Variants in C12orf56 observed in about 807,000 individuals in gnomAD.
C12orf56 encodes the protein chromosome 12 open reading frame 56.
Under a neutral mutation model 69.9 loss-of-function variants are expected in C12orf56, and 71 were observed. That is an observed-to-expected ratio of 1.02 (90% CI 0.84 to 1.24). The LOEUF (loss-of-function observed/expected upper bound fraction) is 1.24. C12orf56 is among the 50% of genes most tolerant of loss of function. The pLI is 0.00. For synonymous variants in C12orf56, 276 were observed against 274.1 expected (o/e 1.01, Z -0.07); for missense variants, 732 against 738.5 (o/e 0.99, Z 0.10).
chr12:64,348,802 T>C (rs2039182597), intron 2 of C12orf56, among the ~76,000 whole-genome samples: 1 of 152,228 alleles, frequency 6.6e-6, no homozygotes, highest in Non-Finnish European at 1.5e-5. Flanking sequence ...CTTGATCCTC[T>C]TCAAAGGATG....
intron 4 of C12orf56, among the ~76,000 whole-genome samples, chr12:64,316,305 C>T (rs1256683191): frequency 6.6e-6 from 1 of 151,974 alleles, no homozygotes; most frequent in Admixed American, 6.6e-5. Flanking sequence ...TCTCTGTTGT[C>T]CAGGCTGGTC....
At chr12:64,357,054 C>A (rs2039327152) in intron 1 of C12orf56, among the ~76,000 whole-genome samples, 1 of 151,752 alleles carries the variant, frequency 6.6e-6, no homozygotes. Flanking sequence ...ATATTAAAAT[C>A]TCAGGATATA....
intron 6 of C12orf56, among the ~76,000 whole-genome samples, chr12:64,298,168 T>C (rs2038394433): frequency 6.6e-6 from 1 of 152,008 alleles, no homozygotes; most frequent in South Asian, 2.1e-4. Context: ...GTTTGTTGGC[T>C]GCATAAATGT....
rs2037907925 is a variant in C12orf56, at chr12:64,265,119, C to T, written c.*2064G>A. 1 of 152,222 alleles carries T rather than the reference C, an allele frequency of 6.6e-6. No individual in the cohort carries two copies. The highest frequency in any genetic ancestry group is 2.4e-5 in the African/African-American group (1 of 41,436). The allele number at this position is 152,222 out of a possible 1,614,324, so 9.4% of individuals were successfully genotyped here. A position where few individuals can be genotyped will look rare whatever the true frequency, so the allele number is the denominator to read the frequency against. On this transcript the variant is annotated 3_prime_UTR_variant, in exon 13 of 13. Coordinates refer to ENST00000543942, the MANE Select transcript of C12orf56 (RefSeq NM_001170633.2). The stretch of plus-strand genomic sequence containing the variant: ...GCTGAGTTGATCCTCTCGTTGTCAT[C>T]CTGCGGGTTCATCAGTACATTCTTT...
intron 6 of C12orf56, among the ~76,000 whole-genome samples, chr12:64,302,287 G>A (rs1400984590): frequency 6.6e-6 from 1 of 152,092 alleles, no homozygotes. Flanking sequence ...TCTCAATGTT[G>A]TGGGACATTT....
chr12:64,285,126 G>A lies in C12orf56; in HGVS notation c.1221-373C>T, dbSNP rs73327146. On this transcript the variant is annotated intron_variant, in intron 7 of 12. Transcript: ENST00000543942. ...GTGTGGAGCTCAGGAGGTCAAGACTGCAGTGAGCCATGATCACACCAATGC... is the reference window on the plus strand; with the variant it reads ...GTGTGGAGCTCAGGAGGTCAAGACTACAGTGAGCCATGATCACACCAATGC... 3.9e-4 allele frequency among the ~76,000 whole-genome samples: 59 copies of A among 150,630 alleles called. 1 individual carries two copies. The highest frequency in any genetic ancestry group is 1.4e-3 in the African/African-American group (56 of 40,928).
At chr12:64,359,697 A>G (rs1325963099) in intron 1 of C12orf56, among the ~76,000 whole-genome samples, 2 of 152,042 alleles carry the variant, frequency 1.3e-5, no homozygotes, top group Non-Finnish European at 2.9e-5. Context: ...GCCTGTAGAA[A>G]GAAAAGAAGC....
At chr12:64,365,162 C>CTTTTT (rs386376771) in intron 1 of C12orf56, among the ~76,000 whole-genome samples, 1 of 123,048 alleles carries the variant, frequency 8.1e-6, no homozygotes, top group Non-Finnish European at 1.6e-5. Flanking sequence ...AAAGCTGTTC[C>CTTTTT]TTTTTTTTTT....
At chr12:64,360,141 A>C (rs1294275276) in intron 1 of C12orf56, among the ~76,000 whole-genome samples, 1 of 151,138 alleles carries the variant, frequency 6.6e-6, no homozygotes, top group African/African-American at 2.4e-5. Flanking sequence ...AAATTCAAAA[A>C]CTGGCTGGGT....
At chr12:64,300,589 C>T (rs762764473) in intron 6 of C12orf56, among the ~76,000 whole-genome samples, 1 of 152,140 alleles carries the variant, frequency 6.6e-6, no homozygotes, top group South Asian at 2.1e-4. Context: ...CCAGTCCTCT[C>T]CTAACTGCTG....
chr12:64,314,347 C>A (rs1173905617), intron 4 of C12orf56, among the ~76,000 whole-genome samples: 1 of 152,132 alleles, frequency 6.6e-6, no homozygotes, highest in Non-Finnish European at 1.5e-5. Context: ...CCCCTCTGAA[C>A]CTCCCAAAGT....
At position 64,377,851 on chromosome 12, in the gene C12orf56, CA is replaced by C. The variant is rs1190399459; in HGVS notation, c.252+12462del. Among the ~76,000 whole-genome samples the C allele has an allele frequency of 3.3e-5, 5 of 151,752 alleles. No individual in the cohort carries two copies. In the East Asian group the frequency reaches 9.6e-4, roughly 29 times the overall value. The stretch of plus-strand genomic sequence containing the variant: ...AAAGTCTTGCGGGAATTCAGGCAAC[CA>C]AAAAAAATTTTTTTTTATGATCTAC... On this transcript the variant is annotated intron_variant, in intron 1 of 12. Transcript: ENST00000543942.
intron 1 of C12orf56, among the ~76,000 whole-genome samples, chr12:64,375,695 G>T (rs73118388): frequency 2.0e-5 from 3 of 152,252 alleles, no homozygotes; most frequent in South Asian, 2.1e-4. Flanking sequence ...CCATTCTATG[G>T]TCATTCAGCA....
chr12:64,311,294 G>T (rs2038611075), intron 5 of C12orf56, among the ~76,000 whole-genome samples: 2 of 151,688 alleles, frequency 1.3e-5, no homozygotes. Flanking sequence ...AATTAGCCGG[G>T]CATGGCTACT....
intron 1 of C12orf56, among the ~76,000 whole-genome samples, chr12:64,367,511 CTT>C (rs929966776): frequency 1.4e-5 from 2 of 143,170 alleles, no homozygotes; most frequent in Admixed American, 7.1e-5. Context: ...GAGAGATACT[CTT>C]TTTTTTTTTT....
At chr12:64,315,736 A>G (rs1296823804) in intron 4 of C12orf56, among the ~76,000 whole-genome samples, 1 of 152,194 alleles carries the variant, frequency 6.6e-6, no homozygotes, top group Non-Finnish European at 1.5e-5. Context: ...GTTCAAGACC[A>G]GCCTGGCCAA....
intron 1 of C12orf56, among the ~76,000 whole-genome samples, chr12:64,366,109 TAATA>T (rs2135966286): frequency 7.8e-6 from 1 of 128,000 alleles, no homozygotes. Flanking sequence ...ATATTATATA[TAATA>T]TATAGCTTGT....
At chr12:64,323,966 A>G (rs953091056) in intron 3 of C12orf56, among the ~76,000 whole-genome samples, 11 of 152,296 alleles carry the variant, frequency 7.2e-5, no homozygotes, top group Middle Eastern at 3.4e-3. Context: ...CCCTCCTTCA[A>G]TCCTTCCAAT....
In C12orf56 at chr12:64,352,947, CTGTT is replaced by C. The variant is rs754042955; in HGVS notation, c.358_361del (p.Asn120ValfsTer37). ...AAATGGAAATAGGAATTTCCTGACACTGTTTGACTTTTTACACTCTTTTTTCAAA... is the reference window on the plus strand; with the variant it reads ...AAATGGAAATAGGAATTTCCTGACACTGACTTTTTACACTCTTTTTTCAAA... On this transcript the variant is annotated frameshift_variant, in exon 2 of 13. Transcript: ENST00000543942. LOFTEE classifies it high-confidence loss of function. 11 of 1,612,972 alleles carry C rather than the reference CTGTT, an allele frequency of 6.8e-6. No homozygotes were observed. In the South Asian group the frequency reaches 8.8e-5, roughly 13 times the overall value.
Sources: allele counts gnomAD v4.1 joint callset (sites outside exome capture counted in the v4.1 genomes callset), GRCh38; gene constraint gnomAD v4.1.1; transcripts MANE v1.5; gene names NCBI Gene and HGNC (gene_info 2026-07-23, HGNC 2026-07-21).